ASTN2: variants seen among roughly 807,000 people sequenced by gnomAD.
ASTN2 encodes astrotactin-2.
A neutral mutation model predicts 139.8 loss-of-function variants in ASTN2; 54 were observed. The observed-to-expected ratio is 0.39, with a 90% CI of 0.31 to 0.48. ASTN2 has a LOEUF of 0.48. ASTN2 is among the 20% of genes least tolerant of loss of function. The pLI is 0.95. For missense variants in ASTN2, 1,565 were observed against 1,725.1 expected (o/e 0.91, Z 1.64); for synonymous variants, 756 against 719.5 (o/e 1.05, Z -0.81).
At chr9:116,904,282 G>A (rs1236202550) in intron 10 of ASTN2, among the ~76,000 whole-genome samples, 1 of 152,196 alleles carries the variant, frequency 6.6e-6, no homozygotes, top group Non-Finnish European at 1.5e-5. Context: ...GGCTGCAGAA[G>A]GCTCCTATGT....
At chr9:116,486,711 T>G (rs1823014294) in intron 20 of ASTN2, among the ~76,000 whole-genome samples, 1 of 152,134 alleles carries the variant, frequency 6.6e-6, no homozygotes, top group Admixed American at 6.5e-5. Context: ...AAAACAACAC[T>G]CATTGAGGTA....
chr9:117,093,129 C>G (rs572435612), intron 5 of ASTN2, among the ~76,000 whole-genome samples: 1 of 152,244 alleles, frequency 6.6e-6, no homozygotes, highest in Admixed American at 6.5e-5. Flanking sequence ...ATCCACCCGT[C>G]CACTCTCCCA....
At chr9:116,498,162 A>G (rs1849729375) in intron 19 of ASTN2, among the ~76,000 whole-genome samples, 1 of 152,344 alleles carries the variant, frequency 6.6e-6, no homozygotes, top group African/African-American at 2.4e-5. Context: ...ACACACAGCT[A>G]CTACCCAGCA....
At chr9:116,594,404 T>G (rs1854486454) in intron 19 of ASTN2, among the ~76,000 whole-genome samples, 1 of 152,194 alleles carries the variant, frequency 6.6e-6, no homozygotes, top group African/African-American at 2.4e-5. Context: ...TTAGAACTAG[T>G]AGTCAATAAT....
intron 2 of ASTN2, among the ~76,000 whole-genome samples, chr9:117,227,508 A>G (rs1229706347): frequency 6.6e-6 from 1 of 152,178 alleles, no homozygotes; most frequent in Admixed American, 6.5e-5. Context: ...GGATTACTGG[A>G]TGGATGAATA....
chr9:117,391,695 C>T (rs187911184), intron 1 of ASTN2, among the ~76,000 whole-genome samples: 129 of 152,214 alleles, frequency 8.5e-4, no homozygotes, highest in African/African-American at 3.0e-3. Flanking sequence ...CATGCCTTCC[C>T]AACAGTCCCC....
chr9:117,274,620 T>C (rs1200128108), intron 2 of ASTN2, among the ~76,000 whole-genome samples: 1 of 152,242 alleles, frequency 6.6e-6, no homozygotes, highest in Non-Finnish European at 1.5e-5. Flanking sequence ...ATATTGGAGA[T>C]ATGAAGAAAG....
intron 3 of ASTN2, among the ~76,000 whole-genome samples, chr9:117,189,162 C>T (rs572205524): frequency 2.1e-4 from 32 of 152,240 alleles, no homozygotes; most frequent in Middle Eastern, 3.4e-3. Flanking sequence ...AAGAAAACAA[C>T]GGCACTTAAA....
At chr9:116,623,900 T>A (rs974679271) in intron 17 of ASTN2, among the ~76,000 whole-genome samples, 2 of 152,086 alleles carry the variant, frequency 1.3e-5, no homozygotes, top group Non-Finnish European at 2.9e-5. Flanking sequence ...CATGTGCTTA[T>A]GTGTGTGCAT....
chr9:116,888,320 G>A (rs10983395), intron 10 of ASTN2, among the ~76,000 whole-genome samples: 1 of 152,066 alleles, frequency 6.6e-6, no homozygotes, highest in Non-Finnish European at 1.5e-5. Flanking sequence ...ACTTTGTGTA[G>A]GCATGCCAGA....
At chr9:116,851,141 TA>T (rs1832587555) in intron 11 of ASTN2, among the ~76,000 whole-genome samples, 1 of 152,172 alleles carries the variant, frequency 6.6e-6, no homozygotes, top group African/African-American at 2.4e-5. Flanking sequence ...TCTAGTTTGA[TA>T]AGATGTGCTA....
At chr9:116,574,762 G>T (rs142608993) in intron 19 of ASTN2, among the ~76,000 whole-genome samples, 8 of 152,334 alleles carry the variant, frequency 5.3e-5, no homozygotes, top group African/African-American at 1.9e-4. Context: ...ACGTGCAGAA[G>T]TCCCAGTTTC....
At chr9:116,707,673 A>G (rs1383936718) in intron 16 of ASTN2, among the ~76,000 whole-genome samples, 1 of 152,214 alleles carries the variant, frequency 6.6e-6, no homozygotes, top group East Asian at 1.9e-4. Flanking sequence ...TGCAACAACA[A>G]CAAAACAAGA....
chr9:116,867,873 T>TAAAGCAGACACTGGCGTTTTCTTAACTC (rs1564313674), intron 10 of ASTN2, among the ~76,000 whole-genome samples: 5 of 152,132 alleles, frequency 3.3e-5, no homozygotes, highest in Non-Finnish European at 5.9e-5. Context: ...AAAAAAAGCT[T>TAAAGCAGACACTGGCGTTTTCTTAACTC]AAAGCAGACA....
intron 20 of ASTN2, among the ~76,000 whole-genome samples, chr9:116,477,847 C>T (rs1282044006): frequency 1.2e-5 from 1 of 80,168 alleles, no homozygotes. Flanking sequence ...ACAGTGAGAT[C>T]CCTAATCAAA....
At chr9:117,240,585 G>A (rs568545259) in intron 2 of ASTN2, among the ~76,000 whole-genome samples, 21 of 152,234 alleles carry the variant, frequency 1.4e-4, no homozygotes, top group South Asian at 6.2e-4. Flanking sequence ...GACACCAGAC[G>A]GTGAGAATAA....
At chr9:117,193,175 G>A (rs1463019257) in intron 3 of ASTN2, among the ~76,000 whole-genome samples, 1 of 152,174 alleles carries the variant, frequency 6.6e-6, no homozygotes, top group East Asian at 1.9e-4. Context: ...CTCCCCCTGT[G>A]GCTGTGGAGA....
intron 2 of ASTN2, among the ~76,000 whole-genome samples, chr9:117,287,166 G>A (rs1405685532): frequency 6.6e-6 from 1 of 151,888 alleles, no homozygotes; most frequent in East Asian, 1.9e-4. Flanking sequence ...CATTGTGCAG[G>A]GCATTTGTGA....
intron 4 of ASTN2, among the ~76,000 whole-genome samples, chr9:117,134,141 T>A (rs7468439): frequency 0.56 from 84,660 of 151,066 alleles, 23,666 homozygotes; most frequent in East Asian, 0.68. Flanking sequence ...GGAAGATCAA[T>A]CCTGGGACTA....
Sources: allele counts gnomAD v4.1 joint callset (sites outside exome capture counted in the v4.1 genomes callset), GRCh38; gene constraint gnomAD v4.1.1; transcripts MANE v1.5; gene names NCBI Gene and HGNC (gene_info 2026-07-23, HGNC 2026-07-21).